Variants in AATF observed in about 807,000 individuals in gnomAD.
AATF encodes the protein protein AATF.
AATF carries 48 observed loss-of-function variants against 63.7 expected under a neutral mutation model. The observed-to-expected ratio is 0.75, with a 90% CI of 0.60 to 0.96. AATF has a LOEUF of 0.96. Ranked by LOEUF, AATF falls within the 40% of genes least tolerant of loss-of-function variation. The probability of loss-of-function intolerance (pLI) is 0.00; values close to 1 mark genes in which losing one functional copy is unlikely to be tolerated. For missense variants in AATF, 639 were observed against 685.7 expected, an observed-to-expected ratio of 0.93 and a Z score of 0.76; for synonymous variants, 258 against 247.7, an observed-to-expected ratio of 1.04 and a Z score of -0.39.
intron 4 of AATF, among the ~76,000 whole-genome samples, chr17:36,961,523 G>A (rs1383810004): frequency 6.6e-6 from 1 of 152,094 alleles, no homozygotes; most frequent in African/African-American, 2.4e-5. Context: ...TTGAAATCCA[G>A]AGTATATTCT....
At chr17:37,015,628 AG>A (rs1246408531) in intron 8 of AATF, among the ~76,000 whole-genome samples, 4 of 152,218 alleles carry the variant, frequency 2.6e-5, no homozygotes, top group Non-Finnish European at 5.9e-5. Flanking sequence ...TTGGGGATTA[AG>A]TGTTCAACAT....
chr17:37,015,145 G>T (rs1003477913), intron 8 of AATF, among the ~76,000 whole-genome samples: 2 of 152,182 alleles, frequency 1.3e-5, no homozygotes, highest in Admixed American at 6.5e-5. Flanking sequence ...TAAGAGTAAA[G>T]CATTAAAGTT....
At chr17:36,981,594 C>T (rs1267718229) in intron 4 of AATF, among the ~76,000 whole-genome samples, 1 of 151,824 alleles carries the variant, frequency 6.6e-6, no homozygotes, top group African/African-American at 2.4e-5. Flanking sequence ...TAGGCGTGTG[C>T]CACCACGCCT....
At chr17:36,955,567 G>C (rs2070892928) in intron 4 of AATF, among the ~76,000 whole-genome samples, 1 of 152,084 alleles carries the variant, frequency 6.6e-6, no homozygotes, top group Admixed American at 6.6e-5. Context: ...CTAATTCCTG[G>C]TATGCCTTTG....
At chr17:37,033,090 A>G (rs1181863871) in intron 11 of AATF, among the ~76,000 whole-genome samples, 2 of 152,206 alleles carry the variant, frequency 1.3e-5, no homozygotes, top group Non-Finnish European at 2.9e-5. Flanking sequence ...TTTGACAAAT[A>G]CTATTATTAT....
In AATF at chr17:37,053,628, G is replaced by A. The variant is rs913964717; in HGVS notation, c.1620-2973G>A. Among the ~76,000 whole-genome samples the A allele has an allele frequency of 3.3e-5, 5 of 152,206 alleles. No homozygotes were observed. The East Asian group carries it at 9.6e-4, about 29-fold the overall frequency. On this transcript the variant is annotated intron_variant, in intron 11 of 11. Coordinates refer to ENST00000619387, the MANE Select transcript of AATF (RefSeq NM_012138.4). The stretch of plus-strand genomic sequence containing the variant: ...CCACGCCTGTAATCCCAGCACTTTG[G>A]GAGGCCAAGACGGGCAGATCATGAG...
chr17:36,969,063 C>T (rs1009354480), intron 4 of AATF, among the ~76,000 whole-genome samples: 4 of 152,028 alleles, frequency 2.6e-5, no homozygotes, highest in Non-Finnish European at 2.9e-5. Flanking sequence ...TGATCCTCTG[C>T]GGTCTCTGTT....
chr17:36,989,505 G>T, intron 7 of AATF, 94 bp downstream of exon 7: 1 of 1,286,676 alleles, frequency 7.8e-7, no homozygotes, highest in Non-Finnish European at 1.0e-6. Context: ...TTATATAAGA[G>T]GTTAGTGAGA....
At chr17:36,989,917 T>C (rs1194645736) in intron 7 of AATF, among the ~76,000 whole-genome samples, 3 of 152,068 alleles carry the variant, frequency 2.0e-5, no homozygotes, top group Non-Finnish European at 4.4e-5. Context: ...ACTCTGAAAA[T>C]TTCACTCCTG....
rs1442696564 is a variant in AATF at position 36,998,418 on chromosome 17, A to G, written c.1398+7561A>G. On this transcript the variant is annotated intron_variant, in intron 8 of 11. Coordinates refer to ENST00000619387, the MANE Select transcript of AATF (RefSeq NM_012138.4). ...CATTGAAACCTGTGTTCTTGCTCCC[A>G]GTTTGATTTTCTTTCTGACACATTA... is the stretch of plus-strand genomic sequence containing the variant. Among the ~76,000 whole-genome samples the G allele has an allele frequency of 2.0e-5, 3 of 152,118 alleles. No individual in the cohort carries two copies. In the South Asian group the frequency reaches 6.2e-4, roughly 31 times the overall value.
intron 4 of AATF, among the ~76,000 whole-genome samples, chr17:36,985,908 C>G (rs1442432098): frequency 6.6e-6 from 1 of 152,142 alleles, no homozygotes; most frequent in East Asian, 1.9e-4. Context: ...TTGACCAGCT[C>G]TATTACATAT....
chr17:36,968,421 C>G (rs1034595848), intron 4 of AATF, among the ~76,000 whole-genome samples: 6 of 150,780 alleles, frequency 4.0e-5, no homozygotes, highest in African/African-American at 1.5e-4. Flanking sequence ...ACTACAGGTG[C>G]ACGCCACCAC....
At chr17:36,979,099 A>G (rs1028252364) in intron 4 of AATF, among the ~76,000 whole-genome samples, 2 of 152,078 alleles carry the variant, frequency 1.3e-5, no homozygotes, top group African/African-American at 4.8e-5. Context: ...TTAAAACACT[A>G]GCAAGTCGGG....
Position 37,025,312 on chromosome 17 carries a change from C to T in AATF, c.1547+4298C>T, listed in dbSNP as rs541903445. Among the ~76,000 whole-genome samples, 20 of 152,072 alleles carry T rather than the reference C, an allele frequency of 1.3e-4. No individual in the cohort carries two copies. The South Asian group carries it at 4.0e-3, about 30-fold the overall frequency. ...AATCCAAGTTGAGATATTTTTCAGT[C>T]GAGAGGAGGATGTGGGTATTTATTA... On this transcript the variant is annotated intron_variant, in intron 10 of 11. Transcript: ENST00000619387.
chr17:37,014,896 A>T (rs1377312545), intron 8 of AATF, among the ~76,000 whole-genome samples: 6 of 152,036 alleles, frequency 3.9e-5, no homozygotes, highest in African/African-American at 1.2e-4. Context: ...TGGATTTTTT[A>T]AAATTTTCTG....
chr17:36,973,159 A>G lies in AATF; in HGVS notation c.833-13458A>G, dbSNP rs78048759. Among the ~76,000 whole-genome samples the G allele has an allele frequency of 4.6e-5, 7 of 152,230 alleles. No homozygotes were observed. The East Asian group carries it at 1.3e-3, about 29-fold the overall frequency. Reference sequence around the variant, plus strand: ...CCTTTCTTTTTGCTTGTGAGTAACAATTATTTCACAACTCATTGAAACTCC... The same window carrying G: ...CCTTTCTTTTTGCTTGTGAGTAACAGTTATTTCACAACTCATTGAAACTCC... On this transcript the variant is annotated intron_variant, in intron 4 of 11. Transcript: ENST00000619387.
At chr17:37,038,885 T>C (rs1156563818) in intron 11 of AATF, among the ~76,000 whole-genome samples, 1 of 152,176 alleles carries the variant, frequency 6.6e-6, no homozygotes, top group Admixed American at 6.5e-5. Context: ...AGAAAAGAAA[T>C]GTACAAATGC....
At chr17:37,043,409 G>A (rs572790822) in intron 11 of AATF, among the ~76,000 whole-genome samples, 143 of 152,244 alleles carry the variant, frequency 9.4e-4, no homozygotes, top group South Asian at 1.5e-3. Flanking sequence ...GAGGTCACCA[G>A]CCTTTCTAGG....
intron 4 of AATF, among the ~76,000 whole-genome samples, chr17:36,981,727 A>G (rs1277086686): frequency 9.8e-6 from 1 of 102,254 alleles, no homozygotes; most frequent in African/African-American, 4.3e-5. Context: ...TTTGACAGTC[A>G]GTGTCTCACT....
Sources: gnomAD v4.1 joint callset for allele counts (sites outside exome capture counted in the v4.1 genomes callset) on GRCh38, gnomAD v4.1.1 for gene constraint, MANE v1.5 for transcripts, NCBI Gene and HGNC (gene_info 2026-07-23, HGNC 2026-07-21) for gene names.